Variants in MAD1L1 observed in about 807,000 individuals in gnomAD.
The protein encoded by MAD1L1 is mitotic arrest deficient 1 like 1.
MAD1L1 carries 95 observed loss-of-function variants against 96.9 expected under a neutral mutation model. The ratio of observed to expected loss-of-function variants is 0.98; its 90% CI spans 0.83 to 1.16. The LOEUF is 1.16. Among genes scored for constraint, MAD1L1 ranks in the 50% most tolerant of loss-of-function variants. MAD1L1 has a pLI of 0.00. For missense variants in MAD1L1, 1,007 were observed against 954.4 expected (o/e 1.06, Z -0.73); for synonymous variants, 473 against 396.6 (o/e 1.19, Z -2.29).
rs1175623424 is a variant in MAD1L1 at position 1,957,644 on chromosome 7, C to T, written c.1581G>A (p.Glu527=). 1.2e-6 allele frequency: 2 copies of T among 1,613,904 alleles called. No individual in the cohort carries two copies. The highest frequency in any genetic ancestry group is 1.7e-6 in the Non-Finnish European group (2 of 1,180,054). ...EEKRMLEAQL[E]RRALQGDYDQ... ...CCGCCCTCACCTGCAGAGCTCGCCG[C>T]TCCAGCTGTGCCTCCAGCATCCTCT... Residue 527 remains glutamate (E), a synonymous_variant, in exon 16 of 19, where the codon GAG becomes GAA. Coordinates refer to ENST00000265854, the MANE Select transcript of MAD1L1 (RefSeq NM_001013836.2).
intron 12 of MAD1L1, among the ~76,000 whole-genome samples, chr7:2,044,551 A>G (rs1311580438): frequency 6.6e-6 from 1 of 152,146 alleles, no homozygotes; most frequent in Non-Finnish European, 1.5e-5. Context: ...AATTTCCCAA[A>G]TGGTTCAGCA....
intron 18 of MAD1L1, among the ~76,000 whole-genome samples, chr7:1,871,591 TA>T (rs1785104087): frequency 1.5e-5 from 2 of 135,532 alleles, no homozygotes; most frequent in Admixed American, 7.5e-5. Context: ...GAACCCACCG[TA>T]ACACCTGCCA....
chr7:2,145,099 C>A (rs1009025677), intron 11 of MAD1L1, among the ~76,000 whole-genome samples: 1 of 152,204 alleles, frequency 6.6e-6, no homozygotes, highest in Non-Finnish European at 1.5e-5. Context: ...CCGCTGCCCA[C>A]TGAGAGCCCT....
intron 11 of MAD1L1, among the ~76,000 whole-genome samples, chr7:2,072,520 A>G (rs1163434936): frequency 2.0e-5 from 3 of 152,238 alleles, no homozygotes; most frequent in Non-Finnish European, 4.4e-5. Flanking sequence ...TTTGGGACCC[A>G]GTTCAATTTT....
chr7:1,999,029 G>A (rs952963578), intron 14 of MAD1L1, among the ~76,000 whole-genome samples: 7 of 151,002 alleles, frequency 4.6e-5, no homozygotes, highest in Non-Finnish European at 7.4e-5. Flanking sequence ...CCCACACACT[G>A]CTGGACACCA....
chr7:2,163,414 C>G (rs1790263032), intron 10 of MAD1L1, among the ~76,000 whole-genome samples: 1 of 152,200 alleles, frequency 6.6e-6, no homozygotes, highest in African/African-American at 2.4e-5. Flanking sequence ...CACTCTGTCG[C>G]CCAGGCTGGA....
chr7:2,038,458 A>G (rs1783535118), intron 12 of MAD1L1, among the ~76,000 whole-genome samples: 1 of 147,236 alleles, frequency 6.8e-6, no homozygotes, highest in Non-Finnish European at 1.5e-5. Context: ...AAAGTTTCAG[A>G]GGACAAGCTG....
At chr7:2,019,121 G>T (rs1406312130) in intron 12 of MAD1L1, among the ~76,000 whole-genome samples, 2 of 152,092 alleles carry the variant, frequency 1.3e-5, no homozygotes, top group Non-Finnish European at 2.9e-5. Context: ...CACTGACGCC[G>T]GCACCATCTC....
intron 12 of MAD1L1, among the ~76,000 whole-genome samples, chr7:2,035,171 A>C (rs1025754465): frequency 3.9e-5 from 6 of 152,292 alleles, no homozygotes; most frequent in African/African-American, 1.4e-4. Context: ...GACCCCACAG[A>C]CAACCCCAGG....
intron 16 of MAD1L1, among the ~76,000 whole-genome samples, chr7:1,944,808 G>A (rs1779155804): frequency 6.6e-6 from 1 of 152,200 alleles, no homozygotes; most frequent in Admixed American, 6.5e-5. Context: ...TGACGTCAGG[G>A]TGTGCCCACA....
At chr7:1,935,944 G>T (rs1562538816) in intron 17 of MAD1L1, among the ~76,000 whole-genome samples, 1 of 152,220 alleles carries the variant, frequency 6.6e-6, no homozygotes, top group Non-Finnish European at 1.5e-5. Context: ...CCCTCCCCCA[G>T]GTCCCCCCAG....
chr7:1,982,326 A>G (rs1780942345), intron 14 of MAD1L1, among the ~76,000 whole-genome samples: 1 of 152,080 alleles, frequency 6.6e-6, no homozygotes, highest in Admixed American at 6.6e-5. Context: ...CTCCTGCCTC[A>G]GCCTCCCAAG....
intron 11 of MAD1L1, among the ~76,000 whole-genome samples, chr7:2,130,432 A>G (rs1788457671): frequency 6.6e-6 from 1 of 152,168 alleles, no homozygotes; most frequent in Non-Finnish European, 1.5e-5. Flanking sequence ...TAAGGAAGCA[A>G]TTGAGAGGCC....
At chr7:2,081,035 G>A (rs1487367857) in intron 11 of MAD1L1, among the ~76,000 whole-genome samples, 1 of 152,208 alleles carries the variant, frequency 6.6e-6, no homozygotes, top group Non-Finnish European at 1.5e-5. Flanking sequence ...TTCCTGAAGG[G>A]TGAGAAGATG....
intron 18 of MAD1L1, among the ~76,000 whole-genome samples, chr7:1,828,723 G>GCACACGCA (rs1214001107): frequency 6.9e-6 from 1 of 144,812 alleles, no homozygotes; most frequent in African/African-American, 2.4e-5. Context: ...GCATGCACAG[G>GCACACGCA]CACACGCACA....
intron 10 of MAD1L1, among the ~76,000 whole-genome samples, chr7:2,187,597 C>A (rs1485609794): frequency 6.6e-6 from 1 of 152,170 alleles, no homozygotes; most frequent in Non-Finnish European, 1.5e-5. Flanking sequence ...ACTTTCCGAG[C>A]AGCTGGAACT....
chr7:1,893,604 C>T (rs1276588129), intron 18 of MAD1L1, among the ~76,000 whole-genome samples: 9 of 152,080 alleles, frequency 5.9e-5, no homozygotes, highest in Non-Finnish European at 1.3e-4. Flanking sequence ...CCCTCCGTGG[C>T]CCTATCTCAG....
chr7:2,060,134 G>C lies in MAD1L1; in HGVS notation c.1218+9060C>G, dbSNP rs145495584. On this transcript the variant is annotated intron_variant, in intron 12 of 18. Transcript: ENST00000265854. ...CGAAGCCAAGATGCCGAGATGTCGA[G>C]ATACGCAGATGCCAAGATACGCCGA... Among the ~76,000 whole-genome samples the C allele has an allele frequency of 2.2e-4, 33 of 151,164 alleles. 1 individual carries two copies. Among genetic ancestry groups the C allele is most frequent in the Admixed American group, 1.1e-3 (17 of 15,216 alleles).
intron 11 of MAD1L1, among the ~76,000 whole-genome samples, chr7:2,102,291 A>ATCACCG (rs1407647395): frequency 2.1e-4 from 16 of 75,878 alleles, no homozygotes; most frequent in African/African-American, 4.1e-4. Flanking sequence ...CACCACCGCC[A>ATCACCG]CTGTCACCAT....
Sources: gnomAD v4.1 joint callset for allele counts (sites outside exome capture counted in the v4.1 genomes callset) on GRCh38, gnomAD v4.1.1 for gene constraint, MANE v1.5 for transcripts, NCBI Gene and HGNC (gene_info 2026-07-23, HGNC 2026-07-21) for gene names.